The following KLF12 variants were observed in gnomAD, a reference collection of about 807,000 sequenced individuals.
The protein encoded by KLF12 is KLF transcription factor 12, also known as Krueppel-like factor 12.
In KLF12, 9 loss-of-function variants were observed where a neutral mutation model predicts 37.8. The ratio of observed to expected loss-of-function variants is 0.24; its 90% confidence interval spans 0.14 to 0.42. KLF12 has a LOEUF of 0.42. KLF12 is among the 10% of genes least tolerant of loss of function. KLF12 has a pLI of 1.00. For synonymous variants in KLF12, 208 were observed against 202.1 expected (o/e 1.03, Z -0.25); for missense variants, 411 against 516.0 (o/e 0.80, Z 1.97).
chr13:74,219,161 G>A, the KLF12 span, among the ~76,000 whole-genome samples: 1 of 152,008 alleles, frequency 6.6e-6, no homozygotes, highest in African/African-American at 2.4e-5. Flanking sequence ...TCACCACATT[G>A]GCCAGGCTGG....
chr13:74,210,391 G>A, the KLF12 span, among the ~76,000 whole-genome samples: 2 of 152,026 alleles, frequency 1.3e-5, no homozygotes, highest in African/African-American at 4.8e-5. Flanking sequence ...TATGCTTTTT[G>A]CCCTGCAACT....
the KLF12 span, among the ~76,000 whole-genome samples, chr13:74,222,025 A>G: frequency 6.6e-6 from 1 of 152,194 alleles, no homozygotes; most frequent in East Asian, 1.9e-4. Flanking sequence ...CCATTTCTCC[A>G]GTACTGAATA....
chr13:73,929,102 T>C (rs1049267424), intron 3 of KLF12, among the ~76,000 whole-genome samples: 3 of 152,160 alleles, frequency 2.0e-5, no homozygotes, highest in Admixed American at 6.5e-5. Context: ...CATGATAAAA[T>C]TTAAGCTCAA....
At chr13:73,933,755 C>T (rs1019762979) in intron 3 of KLF12, among the ~76,000 whole-genome samples, 1 of 152,148 alleles carries the variant, frequency 6.6e-6, no homozygotes, top group Non-Finnish European at 1.5e-5. Flanking sequence ...TCCCCTTAGC[C>T]AGTTTAGTAA....
At chr13:73,716,658 C>T (rs1875832056) in intron 6 of KLF12, among the ~76,000 whole-genome samples, 1 of 152,078 alleles carries the variant, frequency 6.6e-6, no homozygotes, top group South Asian at 2.1e-4. Flanking sequence ...TACAAATCTG[C>T]ATTTACAGAC....
the KLF12 span, among the ~76,000 whole-genome samples, chr13:74,195,850 C>G: frequency 3.3e-5 from 5 of 152,112 alleles, no homozygotes; most frequent in African/African-American, 1.2e-4. Context: ...TCCCAAACTG[C>G]TGGGATTACA....
At position 74,027,213 on chromosome 13, in the gene KLF12, GAAGA is replaced by G. The variant is rs140924269; in HGVS notation, c.-31-32164_-31-32161del. Reference sequence around the variant, plus strand: ...CCTTACAGCTTGCCTGAGAATTTGTGAAGAAATACGAAGGCAATGAGAACTCAAA... The same window carrying G: ...CCTTACAGCTTGCCTGAGAATTTGTGAATACGAAGGCAATGAGAACTCAAA... On this transcript the variant is annotated intron_variant, in intron 1 of 7. Transcript: ENST00000377669. Among the ~76,000 whole-genome samples the G allele has an allele frequency of 5.2e-3, 796 of 152,212 alleles. 3 individuals carry two copies. Among genetic ancestry groups the G allele is most frequent in the African/African-American group, 0.018 (755 of 41,536 alleles).
intron 2 of KLF12, among the ~76,000 whole-genome samples, chr13:73,949,064 TTGAGGCATC>T (rs1272497264): frequency 1.3e-5 from 2 of 152,214 alleles, no homozygotes; most frequent in African/African-American, 4.8e-5. Flanking sequence ...TTATCTGATG[TTGAGGCATC>T]TGAGACATAA....
chr13:73,930,707 T>C (rs1289818559), intron 3 of KLF12, among the ~76,000 whole-genome samples: 1 of 152,150 alleles, frequency 6.6e-6, no homozygotes, highest in African/African-American at 2.4e-5. Context: ...AAGGCAAGTA[T>C]ATAACGGCAC....
chr13:74,125,770 C>G (rs1185973746), intron 1 of KLF12, among the ~76,000 whole-genome samples: 1 of 152,150 alleles, frequency 6.6e-6, no homozygotes, highest in African/African-American at 2.4e-5. Context: ...CTAGTAAACA[C>G]AGTATGTCAA....
intron 1 of KLF12, among the ~76,000 whole-genome samples, chr13:74,089,485 G>A (rs954777663): frequency 6.6e-6 from 1 of 152,048 alleles, no homozygotes; most frequent in Non-Finnish European, 1.5e-5. Flanking sequence ...TTTAAAAATT[G>A]TGACAAAGAT....
intron 1 of KLF12, among the ~76,000 whole-genome samples, chr13:74,088,102 G>A (rs754682863): frequency 6.6e-6 from 1 of 152,048 alleles, no homozygotes; most frequent in Non-Finnish European, 1.5e-5. Context: ...GCATCATGGG[G>A]CACAAAGAGA....
intron 1 of KLF12, among the ~76,000 whole-genome samples, chr13:74,041,419 C>T (rs146379529): frequency 3.0e-4 from 46 of 152,202 alleles, no homozygotes; most frequent in Admixed American, 4.6e-4. Context: ...AGATAAGACA[C>T]GGCTCACAGG....
chr13:74,249,379 C>CACACACACACACACACACAT, the KLF12 span, among the ~76,000 whole-genome samples: 1 of 138,474 alleles, frequency 7.2e-6, no homozygotes, highest in African/African-American at 2.7e-5. Context: ...CACACACACA[C>CACACACACACACACACACAT]GCACACCCTC....
rs114605360 is a variant in KLF12 at position 73,710,293 on chromosome 13, C to T, written c.1027+5075G>A. ...TTAGATAACCCAATAGAGTAAACTGCTAAAAAAAACTTAACACCATTTTTG... is the reference window on the plus strand; with the variant it reads ...TTAGATAACCCAATAGAGTAAACTGTTAAAAAAAACTTAACACCATTTTTG... On this transcript the variant is annotated intron_variant, in intron 7 of 7. Coordinates refer to ENST00000377669, the MANE Select transcript of KLF12 (RefSeq NM_007249.5). 5.5e-3 allele frequency among the ~76,000 whole-genome samples: 839 copies of T among 151,826 alleles called. 6 individuals carry two copies. The highest frequency in any genetic ancestry group is 0.019 in the African/African-American group (777 of 41,390).
chr13:73,766,088 A>G (rs1879895238), intron 5 of KLF12, among the ~76,000 whole-genome samples: 1 of 152,158 alleles, frequency 6.6e-6, no homozygotes, highest in Non-Finnish European at 1.5e-5. Flanking sequence ...ATTTCTTCCA[A>G]CATCCCTTAT....
intron 1 of KLF12, among the ~76,000 whole-genome samples, chr13:74,061,927 A>G (rs1266490748): frequency 6.6e-6 from 1 of 152,218 alleles, no homozygotes; most frequent in African/African-American, 2.4e-5. Context: ...AGAATATATG[A>G]ATACATAAGC....
chr13:73,984,555 C>G (rs749364120), intron 2 of KLF12, among the ~76,000 whole-genome samples: 1 of 152,124 alleles, frequency 6.6e-6, no homozygotes, highest in Admixed American at 6.5e-5. Context: ...TCCTCTCCTG[C>G]GCTCCACTCT....
intron 1 of KLF12, among the ~76,000 whole-genome samples, chr13:74,032,524 AC>A (rs1236469354): frequency 6.6e-6 from 1 of 152,138 alleles, no homozygotes; most frequent in East Asian, 1.9e-4. Flanking sequence ...AACGTGTTCT[AC>A]TTTCAGTCAC....
Sources: gnomAD v4.1 joint callset for allele counts (sites outside exome capture counted in the v4.1 genomes callset) on GRCh38, gnomAD v4.1.1 for gene constraint, MANE v1.5 for transcripts, NCBI Gene and HGNC (gene_info 2026-07-23, HGNC 2026-07-21) for gene names.